Variants in PKIB observed in about 807,000 individuals in gnomAD.
PKIB encodes PKI-beta.
PKIB carries 2 observed loss-of-function variants against 4.5 expected under a neutral mutation model. The observed-to-expected ratio is 0.44, with a 90% CI of 0.18 to 1.39. The LOEUF is 1.39. PKIB is among the 40% of genes most tolerant of loss of function. The pLI, the probability that PKIB is intolerant of heterozygous loss-of-function variation, is 0.27. For missense variants in PKIB, 94 were observed against 92.6 expected, an observed-to-expected ratio of 1.02 and a Z score of -0.06; for synonymous variants, 38 against 36.0, an observed-to-expected ratio of 1.06 and a Z score of -0.20.
chr6:122,653,427 G>C (rs756316440), intron 2 of PKIB, among the ~76,000 whole-genome samples: 2 of 152,098 alleles, frequency 1.3e-5, no homozygotes, highest in South Asian at 2.1e-4. Flanking sequence ...GCGACCAAGA[G>C]GAAAGACATA....
chr6:122,611,778 A>G (rs1774770502), intron 1 of PKIB, among the ~76,000 whole-genome samples: 1 of 152,182 alleles, frequency 6.6e-6, no homozygotes, highest in Admixed American at 6.5e-5. Context: ...ATGCTCACGG[A>G]AAATGGGGTA....
chr6:122,496,865 A>G (rs762565481), intron 2 of PKIB, among the ~76,000 whole-genome samples: 3 of 152,234 alleles, frequency 2.0e-5, no homozygotes, highest in Non-Finnish European at 4.4e-5. Flanking sequence ...CAGATGCAAG[A>G]AATTCAGAGA....
chr6:122,681,801 T>C (rs1375904717), intron 3 of PKIB, among the ~76,000 whole-genome samples: 1 of 152,258 alleles, frequency 6.6e-6, no homozygotes, highest in Non-Finnish European at 1.5e-5. Flanking sequence ...AGGAGTGATA[T>C]TTAATTGTTC....
At position 122,490,054 on chromosome 6, in the gene PKIB, G is replaced by C. The variant is rs146881371; in HGVS notation, c.-248+12115G>C. 2.2e-3 allele frequency among the ~76,000 whole-genome samples: 337 copies of C among 152,236 alleles called. 8 individuals are homozygous for C. The East Asian group carries it at 0.044, about 20-fold the overall frequency. On this transcript the variant is annotated intron_variant, in intron 2 of 6. Coordinates refer to the PKIB transcript ENST00000392491. Reference sequence around the variant, plus strand: ...GTCTGGGAGTTAAATATGCATCCAAGTTCTTCAAAAATAGTTTGCAAACTT... The same window carrying C: ...GTCTGGGAGTTAAATATGCATCCAACTTCTTCAAAAATAGTTTGCAAACTT...
chr6:122,698,507 G>A (rs1231321151), intron 3 of PKIB, among the ~76,000 whole-genome samples: 1 of 152,150 alleles, frequency 6.6e-6, no homozygotes, highest in Non-Finnish European at 1.5e-5. Flanking sequence ...CCAGTGTGTG[G>A]CCAGTAATTG....
chr6:122,657,744 A>C (rs1776829062), intron 2 of PKIB, among the ~76,000 whole-genome samples: 1 of 152,238 alleles, frequency 6.6e-6, no homozygotes, highest in Non-Finnish European at 1.5e-5. Context: ...TAATCTTTGA[A>C]AGATATGGAA....
At chr6:122,696,780 C>T (rs1311245553) in intron 3 of PKIB, among the ~76,000 whole-genome samples, 1 of 152,214 alleles carries the variant, frequency 6.6e-6, no homozygotes. Flanking sequence ...GATCCCTGTG[C>T]ACACTGATGT....
At chr6:122,699,368 T>C (rs1039070184) in intron 3 of PKIB, among the ~76,000 whole-genome samples, 5 of 152,120 alleles carry the variant, frequency 3.3e-5, no homozygotes, top group African/African-American at 1.2e-4. Flanking sequence ...AAATGGATCA[T>C]ATTAGCCTAA....
chr6:122,508,454 T>A (rs1421220153), intron 2 of PKIB, among the ~76,000 whole-genome samples: 1 of 152,188 alleles, frequency 6.6e-6, no homozygotes, highest in Non-Finnish European at 1.5e-5. Context: ...TGTTTTTAAG[T>A]CCTGTTGTGT....
chr6:122,677,894 T>TTCCTTCCTTC (rs1582803382), intron 3 of PKIB, among the ~76,000 whole-genome samples: 191 of 58,960 alleles, frequency 3.2e-3, no homozygotes, highest in African/African-American at 4.8e-3. Flanking sequence ...TTCCTTCCTT[T>TTCCTTCCTTC]CTTTCTTTCT....
chr6:122,667,767 G>A (rs1168938278), intron 2 of PKIB, among the ~76,000 whole-genome samples: 1 of 152,204 alleles, frequency 6.6e-6, no homozygotes, highest in Admixed American at 6.5e-5. Context: ...TGAATCTGCT[G>A]TTTTGGTGCT....
intron 2 of PKIB, among the ~76,000 whole-genome samples, chr6:122,546,239 GTCTTGCTC>G (rs1324930914): frequency 2.0e-5 from 3 of 152,030 alleles, no homozygotes; most frequent in Admixed American, 6.6e-5. Flanking sequence ...GAACCCTAGG[GTCTTGCTC>G]TTCAGAGCAT....
intron 1 of PKIB, among the ~76,000 whole-genome samples, chr6:122,475,848 A>C (rs1037024982): frequency 2.6e-5 from 4 of 152,272 alleles, no homozygotes; most frequent in South Asian, 2.1e-4. Flanking sequence ...CATGTATATC[A>C]CATTAAAAAT....
At position 122,627,832 on chromosome 6, in the gene PKIB, A is replaced by G. The variant is rs149809689; in HGVS notation, c.-160-5451A>G. Among the ~76,000 whole-genome samples the G allele has an allele frequency of 4.7e-3, 712 of 152,254 alleles. 6 individuals carry two copies. The highest frequency in any genetic ancestry group is 0.016 in the African/African-American group (659 of 41,560). The stretch of plus-strand genomic sequence containing the variant: ...ACTGATAAAGAAAACTTCTTTTTAT[A>G]AAATATCATTAATTTATTTCTGATT... On this transcript the variant is annotated intron_variant, in intron 1 of 4. Transcript: ENST00000368452.
At chr6:122,675,023 T>A (rs1188225154) in intron 2 of PKIB, 55 bp from the exon 3 acceptor site, 1 of 152,222 alleles carries the variant, frequency 6.6e-6, no homozygotes, top group East Asian at 1.9e-4. Flanking sequence ...TAAAATTTGA[T>A]TAACTGGATT....
chr6:122,663,148 A>T (rs1480746376), intron 2 of PKIB, among the ~76,000 whole-genome samples: 4 of 152,186 alleles, frequency 2.6e-5, no homozygotes, highest in African/African-American at 7.2e-5. Flanking sequence ...ATGAGATGAC[A>T]CCTAAAAGCA....
At position 122,630,724 on chromosome 6, in the gene PKIB, C is replaced by A. The variant is rs114915921; in HGVS notation, c.-160-2559C>A. Among the ~76,000 whole-genome samples, 1,204 of 152,244 alleles carry A rather than the reference C, an allele frequency of 7.9e-3. 16 individuals carry two copies. The highest frequency in any genetic ancestry group is 0.027 in the African/African-American group (1,125 of 41,540). On this transcript the variant is annotated intron_variant, in intron 1 of 4. Transcript: ENST00000368452. ...CACTATTAAAATTACCATTTTCAAT[C>A]CATCAGCCTGATAAAATCGGTACTG...
intron 3 of PKIB, among the ~76,000 whole-genome samples, chr6:122,717,286 A>C (rs1237830664): frequency 6.6e-6 from 1 of 152,136 alleles, no homozygotes; most frequent in East Asian, 1.9e-4. Context: ...AGTGCTCTCT[A>C]GGGAAAAAGC....
chr6:122,612,263 TC>T (rs1376411589), intron 1 of PKIB, among the ~76,000 whole-genome samples: 1 of 152,158 alleles, frequency 6.6e-6, no homozygotes, highest in East Asian at 1.9e-4. Flanking sequence ...ATTATAAAGT[TC>T]ACCCTTTAAG....
Sources: gnomAD v4.1 joint callset for allele counts (sites outside exome capture counted in the v4.1 genomes callset) on GRCh38, gnomAD v4.1.1 for gene constraint, MANE v1.5 for transcripts, NCBI Gene and HGNC (gene_info 2026-07-23, HGNC 2026-07-21) for gene names.